DMD: variants seen among roughly 807,000 people sequenced by gnomAD.
DMD encodes mutant dystrophin.
In DMD, 63 loss-of-function variants were observed where a neutral mutation model predicts 330.1. That is an observed-to-expected ratio of 0.19 (90% CI 0.16 to 0.24). DMD has a LOEUF of 0.24. Among genes scored for constraint, DMD ranks in the 10% least tolerant of loss-of-function variants. The pLI is 1.00. For missense variants in DMD, 3,344 were observed against 2,684.1 expected, an observed-to-expected ratio of 1.25 and a Z score of -5.43; for synonymous variants, 1,223 against 959.8, an observed-to-expected ratio of 1.27 and a Z score of -5.07.
At chrX:31,657,788 C>G (rs2080872839) in intron 54 of DMD, among the ~76,000 whole-genome samples, 1 of 111,529 alleles carries the variant, frequency 9.0e-6, no homozygotes, top group Admixed American at 9.6e-5. Context: ...ACTTTTGTGA[C>G]AGCGGGCAAA....
At chrX:32,323,092 C>T (rs950530835) in intron 41 of DMD, among the ~76,000 whole-genome samples, 1 of 111,880 alleles carries the variant, frequency 8.9e-6, no homozygotes, top group Non-Finnish European at 1.9e-5. Context: ...TGTGTCTGCA[C>T]TGAACATGTA....
intron 37 of DMD, among the ~76,000 whole-genome samples, chrX:32,357,166 G>A (rs2097804479): frequency 8.9e-6 from 1 of 112,203 alleles, no homozygotes; most frequent in South Asian, 3.7e-4. Context: ...TGGGATTACA[G>A]GCGTGAGCCA....
chrX:33,243,605 T>G (rs2052621683), intron 1 of DMD, among the ~76,000 whole-genome samples: 1 of 112,516 alleles, frequency 8.9e-6, no homozygotes, highest in African/African-American at 3.2e-5. Context: ...CTCATATGTT[T>G]ACTGCAGCAC....
intron 44 of DMD, among the ~76,000 whole-genome samples, chrX:32,108,416 T>C (rs1439660099): frequency 8.9e-6 from 1 of 111,943 alleles, no homozygotes; most frequent in African/African-American, 3.2e-5. Context: ...ATGCAATAGA[T>C]TAATTAGGAA....
intron 43 of DMD, among the ~76,000 whole-genome samples, chrX:32,267,445 G>C (rs1435998764): frequency 8.9e-6 from 1 of 111,881 alleles, no homozygotes; most frequent in Non-Finnish European, 1.9e-5. Context: ...ATTTATTCTT[G>C]CTTTCTCTAG....
At chrX:31,776,174 A>T (rs1295846789) in intron 50 of DMD, among the ~76,000 whole-genome samples, 2 of 111,377 alleles carry the variant, frequency 1.8e-5, no homozygotes, top group Admixed American at 9.6e-5. Flanking sequence ...GTGAGGATGA[A>T]AAGAGAGCTA....
chrX:32,263,563 C>A (rs900516279), intron 43 of DMD, among the ~76,000 whole-genome samples: 2 of 112,220 alleles, frequency 1.8e-5, no homozygotes, highest in African/African-American at 6.5e-5. Flanking sequence ...TATATGCTAA[C>A]TGTAGCAGGT....
chrX:31,318,009 T>G (rs1008565330), intron 62 of DMD, among the ~76,000 whole-genome samples: 7 of 112,159 alleles, frequency 6.2e-5, no homozygotes, highest in Non-Finnish European at 9.4e-5. Context: ...ATCAATATTA[T>G]GAAGGAAGAA....
intron 55 of DMD, among the ~76,000 whole-genome samples, chrX:31,573,817 T>C (rs952812620): frequency 4.5e-5 from 5 of 111,196 alleles, no homozygotes; most frequent in African/African-American, 1.6e-4. Flanking sequence ...GACAGGAGGA[T>C]AGAACCAATT....
chrX:31,954,158 TAA>T (rs769641651), intron 45 of DMD, among the ~76,000 whole-genome samples: 35 of 111,654 alleles, frequency 3.1e-4, no homozygotes, highest in African/African-American at 4.2e-4. Flanking sequence ...CCATATTCGT[TAA>T]AGAGTTACAC....
intron 9 of DMD, among the ~76,000 whole-genome samples, chrX:32,653,018 T>C (rs2060280052): frequency 8.9e-6 from 1 of 112,019 alleles, no homozygotes; most frequent in East Asian, 2.8e-4. Context: ...TGTTTTTTTC[T>C]TGTAAATTTG....
intron 61 of DMD, among the ~76,000 whole-genome samples, chrX:31,334,196 A>C (rs1444122505): frequency 1.8e-5 from 2 of 112,481 alleles, no homozygotes; most frequent in Non-Finnish European, 3.8e-5. Flanking sequence ...GGCCTCCCAA[A>C]GTGCTGGGAT....
chrX:32,555,484 A>T (rs1321780471), intron 16 of DMD, among the ~76,000 whole-genome samples: 1 of 111,497 alleles, frequency 9.0e-6, no homozygotes, highest in Non-Finnish European at 1.9e-5. Context: ...TCACATAGGA[A>T]GAGAGGAAGT....
intron 30 of DMD, among the ~76,000 whole-genome samples, chrX:32,405,364 C>T (rs16990311): frequency 0.18 from 19,689 of 110,854 alleles, 1,713 homozygotes; most frequent in African/African-American, 0.33. Context: ...TTTGCAGTCA[C>T]ACAATTTCGT....
chrX:31,661,977 T>C (rs1249727743), intron 53 of DMD, among the ~76,000 whole-genome samples: 2 of 111,986 alleles, frequency 1.8e-5, no homozygotes, highest in Non-Finnish European at 3.8e-5. Flanking sequence ...TCTTCTCTCA[T>C]TTCTTTTATG....
chrX:31,212,031 T>C lies in DMD; in HGVS notation c.9362-2332A>G, dbSNP rs2044729306. Among the ~76,000 whole-genome samples the C allele has an allele frequency of 4.5e-5, 5 of 110,462 alleles. No individual in the cohort carries two copies. The South Asian group carries it at 1.9e-3, about 42-fold the overall frequency. The stretch of plus-strand genomic sequence containing the variant: ...ATCTTAGAGAACACACCTAGACTTT[T>C]TGATGAAACATTAAATGTAATGATT... On this transcript the variant is annotated intron_variant, in intron 64 of 78. Transcript: ENST00000357033.
intron 2 of DMD, among the ~76,000 whole-genome samples, chrX:33,010,924 C>A (rs1015588719): frequency 2.7e-5 from 3 of 111,371 alleles, no homozygotes; most frequent in African/African-American, 9.8e-5. Flanking sequence ...GGGTCCCACC[C>A]TAGACCTATG....
chrX:32,432,060 T>C (rs971434328), intron 29 of DMD, among the ~76,000 whole-genome samples: 3 of 112,121 alleles, frequency 2.7e-5, no homozygotes, highest in Admixed American at 9.5e-5. Context: ...TGTGATAATA[T>C]ACACTCAAGA....
chrX:32,863,535 T>TACAC (rs1297666216), intron 2 of DMD, among the ~76,000 whole-genome samples: 7 of 16,513 alleles, frequency 4.2e-4, no homozygotes, highest in African/African-American at 6.0e-4. Context: ...AGATTGTGTT[T>TACAC]ATACACACAC....
Sources: allele counts gnomAD v4.1 joint callset (sites outside exome capture counted in the v4.1 genomes callset), GRCh38; gene constraint gnomAD v4.1.1; transcripts MANE v1.5; gene names NCBI Gene and HGNC (gene_info 2026-07-23, HGNC 2026-07-21).